GPR158: variants seen among roughly 807,000 people sequenced by gnomAD.
GPR158 encodes metabotropic glycine receptor.
Under a neutral mutation model 78.2 loss-of-function variants are expected in GPR158, and 30 were observed. That is an observed-to-expected ratio of 0.38 (90% CI 0.29 to 0.52). GPR158 has a LOEUF of 0.52. GPR158 is among the 20% of genes least tolerant of loss of function. GPR158 has a pLI of 0.83. For synonymous variants in GPR158, 581 were observed against 591.1 expected, an observed-to-expected ratio of 0.98 and a Z score of 0.25; for missense variants, 1,463 against 1,523.5, an observed-to-expected ratio of 0.96 and a Z score of 0.66.
chr10:25,400,984 A>C (rs1395027226), intron 3 of GPR158, among the ~76,000 whole-genome samples: 1 of 152,230 alleles, frequency 6.6e-6, no homozygotes, highest in African/African-American at 2.4e-5. Context: ...AGGGAAGCTC[A>C]TTGAAAGCAG....
chr10:25,316,089 A>G (rs1854843907), intron 2 of GPR158, among the ~76,000 whole-genome samples: 1 of 152,128 alleles, frequency 6.6e-6, no homozygotes. Context: ...GTTGCTTTTC[A>G]GAAGTGTGAT....
chr10:25,558,415 A>G (rs918392664), intron 6 of GPR158, among the ~76,000 whole-genome samples: 3 of 152,168 alleles, frequency 2.0e-5, no homozygotes, highest in Non-Finnish European at 4.4e-5. Flanking sequence ...TCGGTAAGAG[A>G]ATGAGTGTGA....
chr10:25,488,424 C>T (rs549262518), intron 5 of GPR158, among the ~76,000 whole-genome samples: 2 of 152,262 alleles, frequency 1.3e-5, no homozygotes, highest in African/African-American at 2.4e-5. Flanking sequence ...CTCTGCTATA[C>T]ATGTGGCTTT....
Position 25,412,345 on chromosome 10 carries a change from G to T in GPR158, c.1207G>T (p.Ala403Ser). Residue 403 changes from alanine to serine, a missense_variant, in exon 4 of 11, where the codon GCT (alanine) becomes TCT (serine). Ala to Ser is a moderately conservative substitution (Grantham distance 99). Transcript: ENST00000376351. The part of the protein sequence containing the change: ...LPCREGCPFC[A>S]DDSPCFVQED... Reference sequence around the variant, plus strand: ...TTGCAGGGAGGGCTGCCCCTTCTGTGCTGATGACAGCCCATGCTTCGTCCA... The same window carrying T: ...TTGCAGGGAGGGCTGCCCCTTCTGTTCTGATGACAGCCCATGCTTCGTCCA... 1 of 1,613,522 alleles carries T rather than the reference G, an allele frequency of 6.2e-7. No individual in the cohort carries two copies. The highest frequency in any genetic ancestry group is 8.5e-7 in the Non-Finnish European group (1 of 1,179,418).
intron 2 of GPR158, among the ~76,000 whole-genome samples, chr10:25,323,683 CTTTTT>C (rs75076220): frequency 7.0e-6 from 1 of 142,690 alleles, no homozygotes; most frequent in Non-Finnish European, 1.5e-5. Flanking sequence ...CCAGCTATTA[CTTTTT>C]TTTTTTTTTT....
Position 25,600,025 on chromosome 10 carries a change from G to A in GPR158, c.*751G>A, listed in dbSNP as rs1001477796. The A allele has an allele frequency of 5.2e-5, 8 of 152,590 alleles. No individual in the cohort carries two copies. The highest frequency in any genetic ancestry group is 2.6e-4 in the Admixed American group (4 of 15,278). The allele number at this position is 152,590 out of a possible 1,614,324, so 9.5% of individuals were successfully genotyped here. ...ATAAAAACTTTTAGTTTTGGCTGTG[G>A]TTTATATATTGTGACTTTGAATTTG... On this transcript the variant is annotated 3_prime_UTR_variant, in exon 11 of 11. Coordinates refer to ENST00000376351, the MANE Select transcript of GPR158 (RefSeq NM_020752.3).
intron 5 of GPR158, among the ~76,000 whole-genome samples, chr10:25,515,131 A>G (rs561775337): frequency 9.9e-5 from 15 of 151,950 alleles, no homozygotes; most frequent in East Asian, 1.9e-4. Flanking sequence ...TTCCTTAGGA[A>G]CACCAATTAT....
intron 2 of GPR158, among the ~76,000 whole-genome samples, chr10:25,240,228 G>T (rs983896350): frequency 1.3e-5 from 2 of 152,180 alleles, no homozygotes; most frequent in African/African-American, 2.4e-5. Flanking sequence ...ATCACTTTTG[G>T]CCAGGCACAG....
chr10:25,323,477 A>G (rs1359416280), intron 2 of GPR158, among the ~76,000 whole-genome samples: 1 of 151,990 alleles, frequency 6.6e-6, no homozygotes, highest in Non-Finnish European at 1.5e-5. Flanking sequence ...TTTTGTTTAC[A>G]TTGAAGATCT....
chr10:25,545,997 T>A (rs7100629), intron 5 of GPR158, among the ~76,000 whole-genome samples: 85,608 of 151,960 alleles, frequency 0.56, 25,930 homozygotes, highest in African/African-American at 0.79. Flanking sequence ...TCAGCATTCA[T>A]TGAGAGTAAA....
intron 5 of GPR158, among the ~76,000 whole-genome samples, chr10:25,541,311 G>A (rs985811927): frequency 2.0e-5 from 3 of 151,888 alleles, no homozygotes; most frequent in African/African-American, 7.3e-5. Flanking sequence ...ACATATTCTG[G>A]ATAACAGCAC....
Position 25,499,130 on chromosome 10 carries a change from C to T in GPR158, c.1404+32411C>T, listed in dbSNP as rs143999547. Among the ~76,000 whole-genome samples the T allele has an allele frequency of 4.1e-4, 63 of 152,190 alleles. No homozygotes were observed. In the East Asian group the frequency reaches 0.01, roughly 25 times the overall value. ...GTCATAGCAGCAAGCTGATAAAAGTCGATATATTTCATTTATTTTCTTTAT... is the reference window on the plus strand; with the variant it reads ...GTCATAGCAGCAAGCTGATAAAAGTTGATATATTTCATTTATTTTCTTTAT... On this transcript the variant is annotated intron_variant, in intron 5 of 10. Coordinates refer to ENST00000376351, the MANE Select transcript of GPR158 (RefSeq NM_020752.3).
intron 1 of GPR158, among the ~76,000 whole-genome samples, chr10:25,212,019 T>G (rs909949442): frequency 1.3e-5 from 2 of 152,210 alleles, no homozygotes; most frequent in African/African-American, 4.8e-5. Flanking sequence ...ACTTAAGCTA[T>G]TTCTCAAAAA....
intron 4 of GPR158, among the ~76,000 whole-genome samples, chr10:25,443,446 T>G (rs560252725): frequency 2.2e-4 from 34 of 151,630 alleles, no homozygotes; most frequent in African/African-American, 8.2e-4. Flanking sequence ...TCCCAGTTAC[T>G]TGGGAGGCAG....
intron 5 of GPR158, among the ~76,000 whole-genome samples, chr10:25,545,184 T>C (rs1836646442): frequency 6.6e-6 from 1 of 152,230 alleles, no homozygotes; most frequent in Non-Finnish European, 1.5e-5. Flanking sequence ...CATGTGTCTT[T>C]ATAGTAGAAT....
At position 25,175,929 on chromosome 10, in the gene GPR158, G is replaced by T; in HGVS notation, c.509G>T (p.Ser170Ile). 1 of 1,613,636 alleles carries T rather than the reference G, an allele frequency of 6.2e-7. No individual in the cohort carries two copies. The highest frequency in any genetic ancestry group is 8.5e-7 in the Non-Finnish European group (1 of 1,179,994). ...TGGAGCCTTCTGGAGGGCGAGCCCA[G>T]CATCTCCCGGGCGGCCATCACCTTC... ...LVWSLLEGEP[S>I]ISRAAITFST... The change falls in exon 1 of 11, where the codon AGC becomes ATC. Residue 170 changes from serine (S) to isoleucine (I), a missense_variant. By Grantham distance (142) the Ser-to-Ile change is moderately radical (BLOSUM62 -2). Coordinates refer to ENST00000376351, the MANE Select transcript of GPR158 (RefSeq NM_020752.3). This position sits in a 1 kb window ranked among gnomAD's most constrained non-coding sequence, Gnocchi z 6.4.
chr10:25,521,394 C>T (rs919838092), intron 5 of GPR158, among the ~76,000 whole-genome samples: 7 of 152,166 alleles, frequency 4.6e-5, no homozygotes, highest in African/African-American at 1.7e-4. Flanking sequence ...CCTCCCTCCT[C>T]TATTGTTATC....
intron 5 of GPR158, among the ~76,000 whole-genome samples, chr10:25,492,905 TATATA>T (rs1390393960): frequency 6.1e-5 from 9 of 148,692 alleles, no homozygotes; most frequent in South Asian, 2.1e-4. Context: ...AATATATTAA[TATATA>T]ATATATTTCA....
At chr10:25,270,253 A>T (rs116817509) in intron 2 of GPR158, among the ~76,000 whole-genome samples, 1 of 152,228 alleles carries the variant, frequency 6.6e-6, no homozygotes, top group Non-Finnish European at 1.5e-5. Flanking sequence ...TTCAAGAAAG[A>T]TGATTCTGCT....
Sources: gnomAD v4.1 joint callset for allele counts (sites outside exome capture counted in the v4.1 genomes callset) on GRCh38, gnomAD v4.1.1 for gene constraint, Gnocchi (gnomAD v3.1) non-coding constraint, MANE v1.5 for transcripts, NCBI Gene and HGNC (gene_info 2026-07-23, HGNC 2026-07-21) for gene names.